Variants in TBC1D9 observed in about 807,000 individuals in gnomAD.
The protein encoded by TBC1D9 is TBC1 domain family member 9.
Under a neutral mutation model 132.0 loss-of-function variants are expected in TBC1D9, and 63 were observed. That is an observed-to-expected ratio of 0.48 (90% CI 0.39 to 0.59). The LOEUF is 0.59. Among genes scored for constraint, TBC1D9 ranks in the 20% least tolerant of loss-of-function variants. TBC1D9 has a pLI of 0.00. For synonymous variants in TBC1D9, 610 were observed against 609.9 expected (o/e 1.00, Z 0.00); for missense variants, 1,261 against 1,592.7 (o/e 0.79, Z 3.54).
intron 13 of TBC1D9, among the ~76,000 whole-genome samples, chr4:140,654,373 A>G (rs1222761081): frequency 6.6e-6 from 1 of 151,696 alleles, no homozygotes; most frequent in Non-Finnish European, 1.5e-5. Context: ...CTTTCCAAAT[A>G]AGGAAAGGAA....
intron 1 of TBC1D9, among the ~76,000 whole-genome samples, chr4:140,754,614 CAAAAAAAA>C (rs34471976): frequency 1.7e-3 from 39 of 23,262 alleles, no homozygotes; most frequent in East Asian, 7.0e-3. Context: ...GACTCTGTCT[CAAAAAAAA>C]AAAAAAAAAA....
In TBC1D9 at chr4:140,679,252, T is replaced by C. The variant is rs972532393; in HGVS notation, c.590-49A>G. 6 of 1,573,672 alleles carry C rather than the reference T, an allele frequency of 3.8e-6. No homozygotes were observed. The Admixed American group carries it at 1.1e-4, about 28-fold the overall frequency. ...GTCAACATCTGATTCCTGAAAACGC[T>C]TTCAAGATATTGCAGTCTCACAACC... On this transcript the variant is annotated intron_variant, in intron 4 of 20. Coordinates refer to ENST00000442267, the MANE Select transcript of TBC1D9 (RefSeq NM_015130.3).
At chr4:140,635,256 T>A (rs1479386558) in intron 15 of TBC1D9, among the ~76,000 whole-genome samples, 6 of 151,776 alleles carry the variant, frequency 4.0e-5, no homozygotes, top group African/African-American at 7.3e-5. Flanking sequence ...GGCGAGAGGA[T>A]CGCCTGAGCC....
At chr4:140,714,736 A>C (rs1486715191) in intron 1 of TBC1D9, among the ~76,000 whole-genome samples, 3 of 152,210 alleles carry the variant, frequency 2.0e-5, no homozygotes, top group Non-Finnish European at 4.4e-5. Flanking sequence ...TGCTAAAGAA[A>C]TACATTTTGG....
At chr4:140,625,112 T>C (rs1178921258) in intron 18 of TBC1D9, among the ~76,000 whole-genome samples, 1 of 152,262 alleles carries the variant, frequency 6.6e-6, no homozygotes, top group South Asian at 2.1e-4. Flanking sequence ...AAAATGGTAG[T>C]GCTTGCCCCA....
chr4:140,688,385 G>A (rs541731670), intron 2 of TBC1D9, among the ~76,000 whole-genome samples: 1 of 152,288 alleles, frequency 6.6e-6, no homozygotes, highest in East Asian at 1.9e-4. Flanking sequence ...CACAAAACTG[G>A]CTGGGGGCAG....
intron 1 of TBC1D9, among the ~76,000 whole-genome samples, chr4:140,729,655 T>TA (rs1738556333): frequency 6.6e-6 from 1 of 151,856 alleles, no homozygotes; most frequent in African/African-American, 2.4e-5. Context: ...CCGTCTCTAC[T>TA]AAAAATACAA....
chr4:140,643,193 C>A, intron 13 of TBC1D9: 1 of 1,418,596 alleles, frequency 7.0e-7, no homozygotes, highest in Non-Finnish European at 9.7e-7. Flanking sequence ...CCAGTGAGGG[C>A]CGAGCCACCA....
chr4:140,755,755 A>G (rs66517415), intron 1 of TBC1D9, among the ~76,000 whole-genome samples, 161 bp downstream of exon 1: 42,209 of 152,048 alleles, frequency 0.28, 6,808 homozygotes, highest in South Asian at 0.44. Flanking sequence ...TCTCTGCCCA[A>G]CCTGAACATC....
chr4:140,681,225 T>C (rs777428613), intron 3 of TBC1D9, among the ~76,000 whole-genome samples: 1 of 152,348 alleles, frequency 6.6e-6, no homozygotes, highest in East Asian at 1.9e-4. Context: ...CCTCCCATTC[T>C]ACATGCCTGA....
chr4:140,631,158 C>CT (rs1231881865), intron 16 of TBC1D9, among the ~76,000 whole-genome samples: 2 of 152,202 alleles, frequency 1.3e-5, no homozygotes, highest in African/African-American at 2.4e-5. Context: ...TTTATAAACT[C>CT]TAAGTTTCAG....
At chr4:140,669,366 G>T (rs1737499596) in intron 8 of TBC1D9, among the ~76,000 whole-genome samples, 1 of 152,120 alleles carries the variant, frequency 6.6e-6, no homozygotes, top group Admixed American at 6.5e-5. Flanking sequence ...TTAAATATGG[G>T]CTGAGAAATC....
chr4:140,744,399 C>T (rs1738806508), intron 1 of TBC1D9, among the ~76,000 whole-genome samples: 1 of 152,158 alleles, frequency 6.6e-6, no homozygotes, highest in Non-Finnish European at 1.5e-5. Flanking sequence ...GGTTTTCAGA[C>T]ATGCTTCATT....
intron 1 of TBC1D9, among the ~76,000 whole-genome samples, chr4:140,735,311 A>C (rs1436722559): frequency 6.6e-6 from 1 of 152,196 alleles, no homozygotes; most frequent in Non-Finnish European, 1.5e-5. Context: ...AGAGTGGAAA[A>C]AGAAAAGTAT....
At chr4:140,644,974 C>T (rs550023136) in intron 13 of TBC1D9, 124 of 458,014 alleles carry the variant, frequency 2.7e-4, no homozygotes, top group African/African-American at 2.2e-3. Flanking sequence ...CAGGGGTGTC[C>T]GGCAAGCCAC....
At chr4:140,642,025 CA>C in intron 13 of TBC1D9, 1 of 652,930 alleles carries the variant, frequency 1.5e-6, no homozygotes. Flanking sequence ...AAGCAGCAAA[CA>C]AAACCACTGC....
At chr4:140,647,645 C>A (rs1279172577) in intron 13 of TBC1D9, among the ~76,000 whole-genome samples, 1 of 152,140 alleles carries the variant, frequency 6.6e-6, no homozygotes, top group Admixed American at 6.5e-5. Context: ...GAGCTATTTC[C>A]TCACAAGCCT....
At position 140,755,792 on chromosome 4, in the gene TBC1D9, G is replaced by C; in HGVS notation, c.130+124C>G. ...CGACTCTCGATGCCTCGCATACAAC[G>C]AGGCAGGGCGGGTCGCCCAGCCCCA... On this transcript the variant is annotated intron_variant, in intron 1 of 20. Transcript: ENST00000442267. 6 of 1,346,384 alleles carry C rather than the reference G, an allele frequency of 4.5e-6. No individual in the cohort carries two copies. In the South Asian group the frequency reaches 6.9e-5, roughly 16 times the overall value. The allele number at this position is 1,346,384 out of a possible 1,614,324, so 83.4% of individuals were successfully genotyped here.
At chr4:140,639,281 TG>T (rs1340852395) in intron 14 of TBC1D9, 48 bp downstream of exon 14, 1 of 1,516,776 alleles carries the variant, frequency 6.6e-7, no homozygotes, top group African/African-American at 1.4e-5. Flanking sequence ...AGCAGGAGTG[TG>T]AAGAAGGAAG....
Sources: allele counts gnomAD v4.1 joint callset (sites outside exome capture counted in the v4.1 genomes callset), GRCh38; gene constraint gnomAD v4.1.1; transcripts MANE v1.5; gene names NCBI Gene and HGNC (gene_info 2026-07-23, HGNC 2026-07-21).